The following OSBPL9 variants were observed in gnomAD, a reference collection of about 807,000 sequenced individuals.
OSBPL9 encodes the protein oxysterol binding protein like 9.
OSBPL9 carries 40 observed loss-of-function variants against 106.6 expected under a neutral mutation model. The observed-to-expected ratio is 0.38, with a 90% CI of 0.29 to 0.49. The LOEUF (loss-of-function observed/expected upper bound fraction) is 0.49. Among genes scored for constraint, OSBPL9 ranks in the 20% least tolerant of loss-of-function variants. The pLI is 0.97. For synonymous variants in OSBPL9, 269 were observed against 295.4 expected, an observed-to-expected ratio of 0.91 and a Z score of 0.92; for missense variants, 609 against 887.2, an observed-to-expected ratio of 0.69 and a Z score of 3.98.
At chr1:51,732,791 T>C (rs2148950547) in intron 4 of OSBPL9, among the ~76,000 whole-genome samples, 1 of 152,352 alleles carries the variant, frequency 6.6e-6, no homozygotes, top group East Asian at 1.9e-4. Context: ...TAGTTAAGAA[T>C]GTGTTTTGGC....
At chr1:51,613,754 TG>T (rs1391084258), upstream of OSBPL9, among the ~76,000 whole-genome samples, 1 of 151,642 alleles carries the variant, frequency 6.6e-6, no homozygotes, top group Non-Finnish European at 1.5e-5. Context: ...TTTTTTTTTT[TG>T]AGACAGGGTC....
chr1:51,579,639 T>C (rs972091792), intron 1 of OSBPL9, among the ~76,000 whole-genome samples: 1 of 151,864 alleles, frequency 6.6e-6, no homozygotes, highest in South Asian at 2.1e-4. Flanking sequence ...TAAACAAAAT[T>C]TGTACTTTCC....
chr1:51,575,676 G>T (rs957150834), upstream of OSBPL9, among the ~76,000 whole-genome samples: 4 of 152,074 alleles, frequency 2.6e-5, no homozygotes, highest in Non-Finnish European at 5.9e-5. Context: ...GCTTTTGAAA[G>T]AGTTAAGAAC....
At chr1:51,537,416 T>C in the OSBPL9 span, among the ~76,000 whole-genome samples, 1 of 152,150 alleles carries the variant, frequency 6.6e-6, no homozygotes, top group Non-Finnish European at 1.5e-5. Context: ...AAAGAGCTAC[T>C]CTTTAGTGGG....
At chr1:51,519,760 G>C in the OSBPL9 span, among the ~76,000 whole-genome samples, 6 of 152,298 alleles carry the variant, frequency 3.9e-5, no homozygotes, top group South Asian at 1.2e-3. Context: ...ACACAAATAA[G>C]TGTCTTACTA....
chr1:51,591,063 C>T (rs1378631493), intron 1 of OSBPL9, among the ~76,000 whole-genome samples: 5 of 151,930 alleles, frequency 3.3e-5, no homozygotes, highest in African/African-American at 7.3e-5. Flanking sequence ...GGAATACAGG[C>T]GCCTGCCACC....
At chr1:51,519,163 G>A in the OSBPL9 span, 2 of 1,419,834 alleles carry the variant, frequency 1.4e-6, no homozygotes, top group Non-Finnish European at 1.9e-6. Flanking sequence ...GGGGGCACCG[G>A]CCGGCCAAGC....
intron 9 of OSBPL9, among the ~76,000 whole-genome samples, chr1:51,758,341 C>G (rs1382058349): frequency 6.6e-6 from 1 of 151,068 alleles, no homozygotes; most frequent in Non-Finnish European, 1.5e-5. Flanking sequence ...TGGTTAACAT[C>G]AGATTACTTT....
chr1:51,607,027 G>A (rs138781702), intron 2 of OSBPL9, among the ~76,000 whole-genome samples: 4,864 of 151,628 alleles, frequency 0.032, 199 homozygotes, highest in East Asian at 0.11. Context: ...TCCAGCCTGG[G>A]CGACAGAGTG....
At chr1:51,589,603 A>G (rs1309550756) in intron 1 of OSBPL9, among the ~76,000 whole-genome samples, 1 of 152,110 alleles carries the variant, frequency 6.6e-6, no homozygotes, top group East Asian at 1.9e-4. Flanking sequence ...GAAGGAGCAA[A>G]CCATATGAAT....
chr1:51,527,985 G>A, the OSBPL9 span, among the ~76,000 whole-genome samples: 1 of 151,452 alleles, frequency 6.6e-6, no homozygotes, highest in Admixed American at 6.6e-5. Context: ...TTAGCCAGGG[G>A]CTGTGGCACA....
In OSBPL9 at chr1:51,788,994, C is replaced by T. The variant is rs950727757; in HGVS notation, c.*1205C>T. ...TGAGAGGACACAGGCCAGGGCTTCT[C>T]AAAGTGCTGCTGCAGGCTTTCTGGT... On this transcript the variant is annotated 3_prime_UTR_variant, in exon 24 of 24. Transcript: ENST00000428468. 6.6e-5 allele frequency among the ~76,000 whole-genome samples: 10 copies of T among 152,178 alleles called. No individual in the cohort carries two copies. Among genetic ancestry groups the T allele is most frequent in the African/African-American group, 2.2e-4 (9 of 41,450 alleles).
chr1:51,583,213 T>G (rs1645230625), intron 1 of OSBPL9, among the ~76,000 whole-genome samples: 6 of 152,104 alleles, frequency 3.9e-5, no homozygotes, highest in Admixed American at 3.9e-4. Flanking sequence ...GAGATAAGAT[T>G]TGAATAGAGA....
rs1671272371 is a variant in OSBPL9, at chr1:51,760,566, A to G, written c.583-124A>G. ...AAAAGGTGTTTCATTCCCTCTTTTC[A>G]TTTTGATCAACATATCTATATAGCT... On this transcript the variant is annotated intron_variant, in intron 9 of 23. Coordinates refer to ENST00000428468, the MANE Select transcript of OSBPL9 (RefSeq NM_024586.6). 6 of 1,409,264 alleles carry G rather than the reference A, an allele frequency of 4.3e-6. No individual in the cohort carries two copies. In the East Asian group the frequency reaches 1.0e-4, roughly 24 times the overall value. The allele number at this position is 1,409,264 out of a possible 1,614,324, so 87.3% of individuals were successfully genotyped here.
chr1:51,576,320 G>A (rs560963191), upstream of OSBPL9, among the ~76,000 whole-genome samples: 19 of 152,318 alleles, frequency 1.2e-4, no homozygotes, highest in African/African-American at 4.6e-4. Flanking sequence ...TTAACTTGCT[G>A]TGGCTTGAAT....
rs373229960 is a variant in OSBPL9 at position 51,652,629 on chromosome 1, CT to C, written c.162+591del. 4.6e-4 allele frequency among the ~76,000 whole-genome samples: 70 copies of C among 152,282 alleles called. 3 individuals are homozygous for C. In the South Asian group the frequency reaches 0.012, roughly 25 times the overall value. On this transcript the variant is annotated intron_variant, in intron 2 of 23. Transcript: ENST00000428468. ...AAAATTAAGATATTTTACAATCTTT[CT>C]TTCCATACTAACTATTCAAAATCCA... is the stretch of plus-strand genomic sequence containing the variant.
At chr1:51,616,032 TGA>T (rs1198285728), upstream of OSBPL9, among the ~76,000 whole-genome samples, 1 of 138,454 alleles carries the variant, frequency 7.2e-6, no homozygotes, top group African/African-American at 2.7e-5. Flanking sequence ...TTTTTTTGTG[TGA>T]GAGAGAATTT....
At chr1:51,603,768 T>G (rs1227456867) in intron 2 of OSBPL9, among the ~76,000 whole-genome samples, 2 of 152,330 alleles carry the variant, frequency 1.3e-5, no homozygotes, top group East Asian at 3.9e-4. Flanking sequence ...AAAAAGTATG[T>G]GTCTTGGTTT....
Position 51,713,996 on chromosome 1 carries a change from AT to A in OSBPL9, c.242-5del. 1 of 1,599,978 alleles carries A rather than the reference AT, an allele frequency of 6.3e-7. No homozygotes were observed. Among genetic ancestry groups the A allele is most frequent in the Non-Finnish European group, 8.5e-7 (1 of 1,172,674 alleles). On this transcript the variant is annotated splice_region_variant and splice_polypyrimidine_tract_variant and intron_variant, in intron 3 of 23. Transcript: ENST00000428468. ...TTTTAATTTTAATGTATAATCTTTTATTCCAGCCCGTGATGCTGATGAGCGA... is the reference window on the plus strand; with the variant it reads ...TTTTAATTTTAATGTATAATCTTTTATCCAGCCCGTGATGCTGATGAGCGA...
Sources: gnomAD v4.1 joint callset for allele counts (sites outside exome capture counted in the v4.1 genomes callset) on GRCh38, gnomAD v4.1.1 for gene constraint, MANE v1.5 for transcripts, NCBI Gene and HGNC (gene_info 2026-07-23, HGNC 2026-07-21) for gene names.